The following WDR70 variants were observed in gnomAD, a reference collection of about 807,000 sequenced individuals.
WDR70 encodes the protein WD repeat-containing protein 70.
Under a neutral mutation model 88.6 loss-of-function variants are expected in WDR70, and 53 were observed. That is an observed-to-expected ratio of 0.60 (90% CI 0.48 to 0.75). The LOEUF (loss-of-function observed/expected upper bound fraction) is 0.75, where lower values mean the gene tolerates loss of function less well. Ranked by LOEUF, WDR70 falls within the 30% of genes least tolerant of loss-of-function variation. WDR70 has a pLI of 0.00. For synonymous variants in WDR70, 280 were observed against 270.0 expected (o/e 1.04, Z -0.36); for missense variants, 610 against 823.2 (o/e 0.74, Z 3.17).
At chr5:37,400,342 G>A (rs1310873689) in intron 5 of WDR70, among the ~76,000 whole-genome samples, 3 of 152,168 alleles carry the variant, frequency 2.0e-5, no homozygotes, top group African/African-American at 7.2e-5. Context: ...ATTAAGTAGT[G>A]TCTAAACTAA....
intron 8 of WDR70, among the ~76,000 whole-genome samples, chr5:37,483,720 G>C (rs545981987): frequency 1.3e-5 from 2 of 150,952 alleles, no homozygotes; most frequent in Admixed American, 1.3e-4. Flanking sequence ...GCGGTGGCCT[G>C]GAGGAGGTGC....
intron 8 of WDR70, among the ~76,000 whole-genome samples, chr5:37,491,984 G>T (rs139327435): frequency 1.6e-4 from 24 of 152,056 alleles, no homozygotes; most frequent in African/African-American, 5.5e-4. Flanking sequence ...CTTACATTTT[G>T]GCACAACAAG....
At chr5:37,593,303 C>T (rs926595271) in intron 9 of WDR70, among the ~76,000 whole-genome samples, 4 of 152,136 alleles carry the variant, frequency 2.6e-5, no homozygotes, top group Admixed American at 2.6e-4. Context: ...GCTATCCCTC[C>T]CCCTGCTCCC....
Position 37,683,974 on chromosome 5 carries a change from C to T in WDR70, c.1093-13681C>T, listed in dbSNP as rs143907027. 9.3e-3 allele frequency among the ~76,000 whole-genome samples: 1,414 copies of T among 152,094 alleles called. 75 individuals are homozygous for T. The highest frequency in any genetic ancestry group is 0.083 in the Admixed American group (1,266 of 15,280). On this transcript the variant is annotated intron_variant, in intron 10 of 17. Transcript: ENST00000265107. ...CCATTCTCCCCATCTCTTTCAGGGA[C>T]GCCAATTAGTCGTAGATTTGGTCTC...
chr5:37,699,391 GTA>G (rs752043560), intron 11 of WDR70, among the ~76,000 whole-genome samples: 8,690 of 20,794 alleles, frequency 0.42, 865 homozygotes, highest in African/African-American at 0.47. Context: ...ATGTATGTGT[GTA>G]TATATATATA....
In WDR70 at chr5:37,514,341, T is replaced by TAC. The variant is rs1359785100; in HGVS notation, c.841-2172_841-2171insCA. 7.4e-4 allele frequency among the ~76,000 whole-genome samples: 53 copies of TAC among 71,920 alleles called. 2 individuals are homozygous for TAC. Among genetic ancestry groups the TAC allele is most frequent in the African/African-American group, 1.7e-3 (50 of 29,624 alleles). The allele number at this position is 71,920 out of a possible 152,430, so 47.2% of individuals were successfully genotyped here. ...ACATTATGGCATATTTAGAACTACA[T>TAC]ATATATATATATATATATGTATGTA... On this transcript the variant is annotated intron_variant, in intron 8 of 17. Transcript: ENST00000265107.
chr5:37,560,680 A>G (rs1349159806), intron 9 of WDR70, among the ~76,000 whole-genome samples: 1 of 152,218 alleles, frequency 6.6e-6, no homozygotes, highest in Non-Finnish European at 1.5e-5. Flanking sequence ...AAAAGAGACT[A>G]GGCCTCTTTG....
At chr5:37,419,317 T>TGAGTA (rs1749867353) in intron 5 of WDR70, among the ~76,000 whole-genome samples, 1 of 151,570 alleles carries the variant, frequency 6.6e-6, no homozygotes, top group African/African-American at 2.4e-5. Flanking sequence ...GCGATTCTCC[T>TGAGTA]GCCTCAGCCT....
At chr5:37,564,063 C>A (rs1742651526) in intron 9 of WDR70, among the ~76,000 whole-genome samples, 2 of 149,764 alleles carry the variant, frequency 1.3e-5, no homozygotes, top group African/African-American at 4.9e-5. Flanking sequence ...GGCAGAGAAG[C>A]TCCTCACATC....
At chr5:37,471,640 T>A (rs1739329745) in intron 7 of WDR70, among the ~76,000 whole-genome samples, 1 of 151,978 alleles carries the variant, frequency 6.6e-6, no homozygotes. Context: ...ATTCTTTTTT[T>A]TATGGTTAGA....
chr5:37,388,490 T>C (rs1748700256), intron 3 of WDR70, among the ~76,000 whole-genome samples: 1 of 148,832 alleles, frequency 6.7e-6, no homozygotes, highest in South Asian at 2.2e-4. Context: ...GTAATCCTAG[T>C]ACACTTTGTG....
chr5:37,529,579 T>G (rs1319650190), intron 9 of WDR70, among the ~76,000 whole-genome samples: 2 of 152,080 alleles, frequency 1.3e-5, no homozygotes, highest in African/African-American at 2.4e-5. Context: ...TATTTTTTTT[T>G]GCAGCTATTG....
chr5:37,499,601 C>T (rs1202378358), intron 8 of WDR70, among the ~76,000 whole-genome samples: 2 of 138,230 alleles, frequency 1.4e-5, no homozygotes, highest in Non-Finnish European at 1.6e-5. Flanking sequence ...CTCTCTCTCT[C>T]TCTCTCTCTC....
chr5:37,728,682 CT>C (rs1247657622), intron 17 of WDR70, among the ~76,000 whole-genome samples: 1 of 152,084 alleles, frequency 6.6e-6, no homozygotes, highest in Non-Finnish European at 1.5e-5. Flanking sequence ...ACTTTGGCCA[CT>C]TGCTTAAGGT....
Position 37,483,083 on chromosome 5 carries a change from G to A in WDR70, c.840+3096G>A, listed in dbSNP as rs1480957325. On this transcript the variant is annotated intron_variant, in intron 8 of 17. Coordinates refer to ENST00000265107, the MANE Select transcript of WDR70 (RefSeq NM_018034.4). ...TCTCTTAATTTAAAAAAAAAAAAAA[G>A]GAAAGAAAGTGGTCTCAGTTTTTTT... 2.5e-4 allele frequency among the ~76,000 whole-genome samples: 37 copies of A among 148,534 alleles called. No homozygotes were observed. The East Asian group carries it at 6.9e-3, about 28-fold the overall frequency.
chr5:37,681,253 G>A (rs10074536), intron 10 of WDR70, among the ~76,000 whole-genome samples: 11,151 of 152,128 alleles, frequency 0.073, 1,313 homozygotes, highest in African/African-American at 0.25. Context: ...GTATAGGAAT[G>A]CTAGTGATTT....
chr5:37,482,189 CT>C (rs1396123181), intron 8 of WDR70, among the ~76,000 whole-genome samples: 1 of 152,194 alleles, frequency 6.6e-6, no homozygotes, highest in Non-Finnish European at 1.5e-5. Flanking sequence ...GTTCCAGCCT[CT>C]CCCTGTTACC....
intron 5 of WDR70, among the ~76,000 whole-genome samples, chr5:37,421,547 A>C (rs1319428989): frequency 1.3e-5 from 2 of 152,204 alleles, no homozygotes; most frequent in African/African-American, 4.8e-5. Context: ...TGACTCACAA[A>C]AGTGGTGTTG....
chr5:37,487,480 CATG>C (rs1739908939), intron 8 of WDR70, among the ~76,000 whole-genome samples: 2 of 150,742 alleles, frequency 1.3e-5, no homozygotes, highest in South Asian at 2.1e-4. Context: ...TCTAATCTAT[CATG>C]ATAAAATATT....
Sources: gnomAD v4.1 joint callset for allele counts (sites outside exome capture counted in the v4.1 genomes callset) on GRCh38, gnomAD v4.1.1 for gene constraint, MANE v1.5 for transcripts, NCBI Gene and HGNC (gene_info 2026-07-23, HGNC 2026-07-21) for gene names.